Variants in TG observed in about 807,000 individuals in gnomAD.
TG encodes thyroid hormones.
In TG, 270 loss-of-function variants were observed where a neutral mutation model predicts 324.7. That is an observed-to-expected ratio of 0.83 (90% CI 0.75 to 0.92). The LOEUF is 0.92. Ranked by LOEUF, TG falls within the 40% of genes least tolerant of loss-of-function variation. The pLI, the probability that TG is intolerant of heterozygous loss-of-function variation, is 0.00. For synonymous variants in TG, 1,401 were observed against 1,327.0 expected, an observed-to-expected ratio of 1.06 and a Z score of -1.21; for missense variants, 3,591 against 3,456.4, an observed-to-expected ratio of 1.04 and a Z score of -0.98.
intron 10 of TG, among the ~76,000 whole-genome samples, chr8:132,892,641 G>A (rs1051459909): frequency 2.6e-5 from 4 of 152,178 alleles, no homozygotes; most frequent in Non-Finnish European, 5.9e-5. Context: ...TCACGTGTGG[G>A]TGTGTATTGT....
Position 133,029,532 on chromosome 8 carries a change from G to C in TG, c.7037-289G>C, listed in dbSNP as rs371599246. Among the ~76,000 whole-genome samples the C allele has an allele frequency of 1.8e-4, 27 of 152,346 alleles. No homozygotes were observed. In the East Asian group the frequency reaches 2.9e-3, roughly 16 times the overall value. ...CTAATGACAGGGAAGCTGTGGCTCA[G>C]AGAGTTGTAAGGACATGATCAAGGT... is the stretch of plus-strand genomic sequence containing the variant. On this transcript the variant is annotated intron_variant, in intron 40 of 47. Coordinates refer to ENST00000220616, the MANE Select transcript of TG (RefSeq NM_003235.5).
At chr8:133,029,241 A>T (rs1057211577) in intron 40 of TG, among the ~76,000 whole-genome samples, 80 of 151,896 alleles carry the variant, frequency 5.3e-4, no homozygotes, top group African/African-American at 1.8e-3. Flanking sequence ...TAAAAAAAAA[A>T]ATAGTGTTGA....
intron 35 of TG, chr8:132,995,126 A>T (rs566982979): frequency 1.0e-6 from 1 of 973,248 alleles, no homozygotes; most frequent in African/African-American, 1.9e-5. Flanking sequence ...TGCTGGGCAG[A>T]TCTCAGTCTC....
intron 41 of TG, chr8:133,049,052 G>C: frequency 7.1e-6 from 3 of 423,194 alleles, no homozygotes; most frequent in Non-Finnish European, 1.4e-5. Flanking sequence ...TGACAGATGA[G>C]GATAATGTAA....
At chr8:132,995,115 G>A (rs1319510496) in intron 35 of TG, 1 of 972,020 alleles carries the variant, frequency 1.0e-6, no homozygotes, top group African/African-American at 1.9e-5. Context: ...ACAGAGCCTG[G>A]TGCTGGGCAG....
In TG at chr8:133,113,571, C is replaced by A; in HGVS notation, c.7722C>A (p.Ala2574=). ...YSLEHSTDDY[A]SFSRALENAT... is the part of the protein sequence containing the mutation. ...TGGAGCACTCCACGGATGACTATGC[C>A]TCCTTCTCCCGGGCTCTGGAGAATG... The change falls in exon 44 of 48, where the codon GCC becomes GCA. Residue 2574 remains alanine, a synonymous_variant. Transcript: ENST00000220616. The A allele has an allele frequency of 1.2e-6, 2 of 1,614,172 alleles. No homozygotes were observed. The highest frequency in any genetic ancestry group is 1.7e-6 in the Non-Finnish European group (2 of 1,180,020).
intron 41 of TG, among the ~76,000 whole-genome samples, chr8:133,075,520 C>T (rs1235291508): frequency 1.3e-5 from 2 of 152,188 alleles, no homozygotes; most frequent in African/African-American, 4.8e-5. Context: ...GTTGATAATA[C>T]TGTTCCAGTC....
chr8:133,073,181 T>G (rs1202614635), intron 41 of TG: 2 of 152,240 alleles, frequency 1.3e-5, no homozygotes, highest in Non-Finnish European at 2.9e-5. Flanking sequence ...CCCAGAATGT[T>G]GACACAGGTG....
chr8:132,927,811 C>A (rs1822097408), intron 22 of TG, among the ~76,000 whole-genome samples: 1 of 152,204 alleles, frequency 6.6e-6, no homozygotes, highest in Non-Finnish European at 1.5e-5. Context: ...CCAATCAAGA[C>A]TTAGGGACAC....
intron 3 of TG, 92 bp from the exon 4 acceptor site, chr8:132,871,256 G>T (rs774636381): frequency 2.2e-6 from 3 of 1,362,816 alleles, no homozygotes; most frequent in African/African-American, 2.9e-5. Flanking sequence ...TCTCAGCTGT[G>T]TCCCCTTGGG....
At chr8:132,976,186 CAG>C (rs1413551631) in intron 34 of TG, among the ~76,000 whole-genome samples, 2 of 152,138 alleles carry the variant, frequency 1.3e-5, no homozygotes, top group Non-Finnish European at 2.9e-5. Flanking sequence ...GCTGCTATAA[CAG>C]AATACCACAG....
chr8:132,876,335 G>A (rs144835491), intron 5 of TG, among the ~76,000 whole-genome samples: 78 of 152,286 alleles, frequency 5.1e-4, no homozygotes, highest in African/African-American at 1.8e-3. Context: ...GGGGAGTCAA[G>A]AATGACTCCT....
intron 34 of TG, among the ~76,000 whole-genome samples, chr8:132,979,707 G>A (rs1830591521): frequency 1.9e-5 from 2 of 106,814 alleles, no homozygotes; most frequent in Non-Finnish European, 4.0e-5. Context: ...TGAAGTGGGA[G>A]TAAGAGCTAT....
intron 22 of TG, among the ~76,000 whole-genome samples, chr8:132,924,727 A>G (rs853300): frequency 0.54 from 81,680 of 152,040 alleles, 22,918 homozygotes; most frequent in Non-Finnish European, 0.61. Context: ...TGTAGTCTTA[A>G]GCAAGTCACT....
chr8:133,100,999 C>T (rs765863624), intron 43 of TG, among the ~76,000 whole-genome samples: 3 of 152,140 alleles, frequency 2.0e-5, no homozygotes, highest in African/African-American at 2.4e-5. Flanking sequence ...TGAGGTTTAC[C>T]GGGTGTCTCT....
chr8:132,939,985 G>GT (rs895271286), intron 25 of TG, among the ~76,000 whole-genome samples: 3 of 151,812 alleles, frequency 2.0e-5, no homozygotes, highest in South Asian at 2.1e-4. Context: ...CCCAGTATAT[G>GT]TTTTTTTTAC....
At chr8:133,047,584 G>A in intron 41 of TG, 1 of 530,160 alleles carries the variant, frequency 1.9e-6, no homozygotes, top group South Asian at 2.0e-5. Context: ...TTTCCAGCAG[G>A]AGTCATCAGG....
intron 44 of TG, 152 bp downstream of exon 44, chr8:133,113,755 G>A (rs1334052816): frequency 9.8e-6 from 9 of 915,504 alleles, no homozygotes; most frequent in South Asian, 1.6e-5. Flanking sequence ...CATGGGGAGT[G>A]TCCCTGCTGA....
At chr8:132,973,988 C>CTTTTT (rs869164425) in intron 34 of TG, among the ~76,000 whole-genome samples, 3 of 112,994 alleles carry the variant, frequency 2.7e-5, no homozygotes, top group Non-Finnish European at 3.4e-5. Flanking sequence ...TTGACCATTC[C>CTTTTT]TTTTTTTTTT....
Sources: gnomAD v4.1 joint callset for allele counts (sites outside exome capture counted in the v4.1 genomes callset) on GRCh38, gnomAD v4.1.1 for gene constraint, MANE v1.5 for transcripts, NCBI Gene and HGNC (gene_info 2026-07-23, HGNC 2026-07-21) for gene names.